Variants in FGD3 observed in about 807,000 individuals in gnomAD.
FGD3 encodes the protein FYVE, RhoGEF and PH domain-containing protein 3.
FGD3 carries 45 observed loss-of-function variants against 71.8 expected under a neutral mutation model. That is an observed-to-expected ratio of 0.63 (90% CI 0.49 to 0.80). FGD3 has a LOEUF of 0.80. Among genes scored for constraint, FGD3 ranks in the 30% least tolerant of loss-of-function variants. The pLI, the probability that FGD3 is intolerant of heterozygous loss-of-function variation, is 0.00. For missense variants in FGD3, 844 were observed against 951.5 expected (o/e 0.89, Z 1.49); for synonymous variants, 378 against 392.8 (o/e 0.96, Z 0.44).
At chr9:92,983,499 T>A (rs1375107284) in intron 3 of FGD3, among the ~76,000 whole-genome samples, 2 of 152,188 alleles carry the variant, frequency 1.3e-5, no homozygotes, top group Admixed American at 1.3e-4. Context: ...CACTCCAGCC[T>A]GGGCAACAGA....
In FGD3 at chr9:92,969,972, G is replaced by GAGTCCAC. The variant is rs1344339181; in HGVS notation, c.-217-5262_-217-5256dup. Among the ~76,000 whole-genome samples the GAGTCCAC allele has an allele frequency of 6.6e-6, 1 of 152,196 alleles. No individual in the cohort carries two copies. The highest frequency in any genetic ancestry group is 1.5e-5 in the Non-Finnish European group (1 of 68,030). ...AGTGTCTGGGACCTGTTCCCTGGCTGAGTCCACAGTGGGCACGGCTCATCT... is the reference window on the plus strand; with the variant it reads ...AGTGTCTGGGACCTGTTCCCTGGCTGAGTCCACAGTCCACAGTGGGCACGGCTCATCT... On this transcript the variant is annotated intron_variant, in intron 1 of 17. Transcript: ENST00000375482. The surrounding 1 kb of genome is among the most constrained non-coding windows in gnomAD (Gnocchi z 4.5).
At chr9:93,009,642 A>G (rs1229085824) in intron 6 of FGD3, among the ~76,000 whole-genome samples, 3 of 152,216 alleles carry the variant, frequency 2.0e-5, no homozygotes, top group Non-Finnish European at 4.4e-5. Flanking sequence ...TTCAGATGCC[A>G]GATGGAGACA....
intron 1 of FGD3, among the ~76,000 whole-genome samples, chr9:92,971,566 C>CTTTTTTTTTTTTT (rs869043960): frequency 7.6e-5 from 3 of 39,580 alleles, no homozygotes; most frequent in Admixed American, 3.8e-4. Context: ...CTTTTCTTTT[C>CTTTTTTTTTTTTT]TTTTTTTTTT....
rs1861867085 is a variant in FGD3, at chr9:93,020,351, A to G, written c.1421A>G (p.Asn474Ser). The change falls in exon 13 of 18, where the codon AAC (asparagine) becomes AGC (serine). Residue 474 changes from asparagine to serine, a missense_variant. Coordinates refer to ENST00000375482, the MANE Select transcript of FGD3 (RefSeq NM_001083536.2). ...GCCACCATCGAGAAGCACAAACAGA[A>G]CAGCGAAACCTTCAAGGCTTTTGGT... ...IQATIEKHKQNSETFKAFGGA... is the reference protein window; with the variant it reads ...IQATIEKHKQSSETFKAFGGA... 1.9e-6 allele frequency: 3 copies of G among 1,613,776 alleles called. No homozygotes were observed. The highest frequency in any genetic ancestry group is 2.5e-6 in the Non-Finnish European group (3 of 1,179,960).
chr9:92,957,345 G>A (rs1003019386), intron 1 of FGD3, among the ~76,000 whole-genome samples: 3 of 152,298 alleles, frequency 2.0e-5, no homozygotes, highest in Non-Finnish European at 1.5e-5. Context: ...TGAGAGTTAC[G>A]TTTGCTCCAC....
chr9:93,015,721 G>A lies in FGD3; in HGVS notation c.1183-16G>A. On this transcript the variant is annotated splice_polypyrimidine_tract_variant and intron_variant, in intron 9 of 17. Transcript: ENST00000375482. ...CGGGCAGCTCTCGTTCCTCACCTGT[G>A]CCATCCCTCTTGCAGTTCAACAGCA... 6.2e-7 allele frequency: 1 copy of A among 1,612,908 alleles called. No individual in the cohort carries two copies. Among genetic ancestry groups the A allele is most frequent in the Non-Finnish European group, 8.5e-7 (1 of 1,178,956 alleles).
intron 14 of FGD3, among the ~76,000 whole-genome samples, chr9:93,025,125 C>T (rs545142323): frequency 5.9e-5 from 9 of 152,322 alleles, no homozygotes; most frequent in Admixed American, 1.3e-4. Context: ...TCGATGGGTG[C>T]GCCCAGCTGG....
At chr9:92,959,488 G>T (rs1029717341) in intron 1 of FGD3, among the ~76,000 whole-genome samples, 3 of 151,794 alleles carry the variant, frequency 2.0e-5, no homozygotes, top group African/African-American at 4.8e-5. Flanking sequence ...TAGAAGGATC[G>T]CTTGAGCCTG....
At position 92,980,030 on chromosome 9, in the gene FGD3, A is replaced by ATT. The variant is rs34335043; in HGVS notation, c.453+3334_453+3335dup. Among the ~76,000 whole-genome samples, 449 of 145,072 alleles carry ATT rather than the reference A, an allele frequency of 3.1e-3. 1 individual carries two copies. The highest frequency in any genetic ancestry group is 5.2e-3 in the Admixed American group (76 of 14,668). ...TCTATACATTTAGACAATAGAATAG[A>ATT]TTTTTTTTTTTTTTAGATGGAGTCT... On this transcript the variant is annotated intron_variant, in intron 3 of 17. Transcript: ENST00000375482.
At chr9:92,988,498 G>A (rs1315571927) in intron 3 of FGD3, among the ~76,000 whole-genome samples, 1 of 152,176 alleles carries the variant, frequency 6.6e-6, no homozygotes, top group Non-Finnish European at 1.5e-5. Context: ...TATTCCTGGT[G>A]TGGCGGGGCC....
rs1310932650 is a variant in FGD3, at chr9:93,028,816, AC to A, written c.1558-1056del. Among the ~76,000 whole-genome samples the A allele has an allele frequency of 4.6e-5, 7 of 152,130 alleles. No homozygotes were observed. The East Asian group carries it at 9.7e-4, about 21-fold the overall frequency. On this transcript the variant is annotated intron_variant, in intron 14 of 17. Coordinates refer to ENST00000375482, the MANE Select transcript of FGD3 (RefSeq NM_001083536.2). ...GGAGGCAGGAGACTGGGGTCTCTCC[AC>A]CTGGCACTGTTCATAATCAGACAGG...
chr9:93,035,075 G>A (rs1307553471), intron 17 of FGD3, among the ~76,000 whole-genome samples: 1 of 152,186 alleles, frequency 6.6e-6, no homozygotes, highest in Admixed American at 6.5e-5. Context: ...CCCAAAGAAG[G>A]CCATGGAGTC....
At chr9:93,000,573 GT>G (rs372909170) in intron 3 of FGD3, among the ~76,000 whole-genome samples, 2 of 151,334 alleles carry the variant, frequency 1.3e-5, no homozygotes, top group African/African-American at 4.9e-5. Context: ...TTTGTTGACA[GT>G]TTTTTTTTCT....
intron 13 of FGD3, 110 bp from the exon 14 acceptor site, chr9:93,022,217 C>A: frequency 9.4e-7 from 1 of 1,059,508 alleles, no homozygotes; most frequent in Non-Finnish European, 1.4e-6. Context: ...TGCTCCCGAG[C>A]CTGCCCTCAA....
chr9:92,991,279 A>G (rs1860399315), intron 3 of FGD3, among the ~76,000 whole-genome samples: 1 of 151,974 alleles, frequency 6.6e-6, no homozygotes, highest in Non-Finnish European at 1.5e-5. Flanking sequence ...GGGTTTCACC[A>G]TGTTTCCCAG....
At chr9:93,029,009 T>G (rs1045818265) in intron 14 of FGD3, among the ~76,000 whole-genome samples, 19 of 96,522 alleles carry the variant, frequency 2.0e-4, no homozygotes, top group African/African-American at 7.0e-4. Flanking sequence ...TTTTTTTTTT[T>G]TTTTTTTTTT....
chr9:92,973,013 C>G (rs1859592564), intron 1 of FGD3, among the ~76,000 whole-genome samples: 1 of 151,866 alleles, frequency 6.6e-6, no homozygotes, highest in Non-Finnish European at 1.5e-5. Flanking sequence ...TTTTAATGTC[C>G]CTTTTTGCTA....
intron 1 of FGD3, among the ~76,000 whole-genome samples, chr9:92,967,543 C>A (rs10992557): frequency 0.041 from 6,212 of 152,222 alleles, 159 homozygotes; most frequent in Middle Eastern, 0.075. Flanking sequence ...CAGGGTCCAC[C>A]CCTGTTGTGG....
At chr9:93,005,702 T>C (rs1255802888) in intron 5 of FGD3, among the ~76,000 whole-genome samples, 3 of 152,248 alleles carry the variant, frequency 2.0e-5, no homozygotes, top group Non-Finnish European at 2.9e-5. Flanking sequence ...TGGTATTTTG[T>C]TGGTTCTCTT....
Sources: gnomAD v4.1 joint callset for allele counts (sites outside exome capture counted in the v4.1 genomes callset) on GRCh38, gnomAD v4.1.1 for gene constraint, Gnocchi (gnomAD v3.1) non-coding constraint, MANE v1.5 for transcripts, NCBI Gene and HGNC (gene_info 2026-07-23, HGNC 2026-07-21) for gene names.